Variants in RBP4 observed in about 807,000 individuals in gnomAD.
RBP4 encodes the protein retinol binding protein 4.
Under a neutral mutation model 26.2 loss-of-function variants are expected in RBP4, and 9 were observed. The ratio of observed to expected loss-of-function variants is 0.34; its 90% CI spans 0.21 to 0.60. The LOEUF (loss-of-function observed/expected upper bound fraction) is 0.60. Among genes scored for constraint, RBP4 ranks in the 20% least tolerant of loss-of-function variants. The probability of loss-of-function intolerance (pLI) is 0.80; values close to 1 mark genes in which losing one functional copy is unlikely to be tolerated. For missense variants in RBP4, 244 were observed against 271.3 expected, an observed-to-expected ratio of 0.90 and a Z score of 0.71; for synonymous variants, 114 against 111.0, an observed-to-expected ratio of 1.03 and a Z score of -0.17.
At chr10:93,592,261 A>C in intron 5 of RBP4, 149 bp from the exon 6 acceptor site, 1 of 731,292 alleles carries the variant, frequency 1.4e-6, no homozygotes, top group Non-Finnish European at 2.4e-6. Flanking sequence ...TTACGGATAC[A>C]GGTGGCTGTA....
Position 93,600,696 on chromosome 10 carries a change from G to A in RBP4, c.219C>T (p.Ala73=), listed in dbSNP as rs2058330951. The change falls in exon 3 of 6, where the codon GCC becomes GCT. Residue 73 remains alanine (A), a synonymous_variant. Coordinates refer to ENST00000371464, the MANE Select transcript of RBP4 (RefSeq NM_006744.4). ...AAAGACGGACTCGGCCCTTGGCTGT[G>A]GCGCTCATCTGGCCGGTCTCGTCCA... The part of the protein sequence containing the change: ...FSVDETGQMS[A]TAKGRVRLLN... 2 of 1,611,070 alleles carry A rather than the reference G, an allele frequency of 1.2e-6. No homozygotes were observed. Among genetic ancestry groups the A allele is most frequent in the Non-Finnish European group, 1.7e-6 (2 of 1,178,900 alleles).
rs371394529 is a variant in RBP4 at position 93,600,409 on chromosome 10, G to C, written c.339C>G (p.Ser113=). 3.1e-6 allele frequency: 5 copies of C among 1,614,002 alleles called. No individual in the cohort carries two copies. In the African/African-American group the frequency reaches 5.3e-5, roughly 17 times the overall value. ...ACTACTCACTTCCTTTCTGGAGAAA[G>C]GAGGCTACGCCCCAGTACTTCATCT... ...KFKMKYWGVA[S]FLQKGNDDHW... is the part of the protein sequence containing the mutation. The change falls in exon 4 of 6, where the codon TCC becomes TCG. Residue 113 remains serine, a synonymous_variant. Coordinates refer to ENST00000371464, the MANE Select transcript of RBP4 (RefSeq NM_006744.4).
intron 4 of RBP4, among the ~76,000 whole-genome samples, chr10:93,595,892 A>G (rs1420268072): frequency 6.6e-6 from 1 of 152,222 alleles, no homozygotes; most frequent in Non-Finnish European, 1.5e-5. Context: ...TAACAGTGTC[A>G]GAGGTGGGGC....
intron 4 of RBP4, among the ~76,000 whole-genome samples, chr10:93,596,478 C>A (rs1487353107): frequency 1.3e-5 from 2 of 152,184 alleles, no homozygotes; most frequent in Admixed American, 1.3e-4. Context: ...GGTTCTCTAA[C>A]CTCCTCACAC....
Position 93,600,484 on chromosome 10 carries a change from G to A in RBP4, c.264C>T (p.Cys88=), listed in dbSNP as rs373606069. ...RVRLLNNWDV[C]ADMVGTFTDT... is the part of the protein sequence containing the mutation. ...CTGTGAAGGTGCCCACCATGTCTGCGCACACGTCCCAGTTACTGCAAAAGC... is the reference window on the plus strand; with the variant it reads ...CTGTGAAGGTGCCCACCATGTCTGCACACACGTCCCAGTTACTGCAAAAGC... The change falls in exon 4 of 6, where the codon TGC becomes TGT. Residue 88 remains cysteine, a synonymous_variant. Transcript: ENST00000371464. 31 of 1,613,984 alleles carry A rather than the reference G, an allele frequency of 1.9e-5. No homozygotes were observed. The highest frequency in any genetic ancestry group is 2.2e-5 in the East Asian group (1 of 44,872).
chr10:93,596,045 T>G (rs1421489519), intron 4 of RBP4, among the ~76,000 whole-genome samples: 1 of 152,178 alleles, frequency 6.6e-6, no homozygotes, highest in African/African-American at 2.4e-5. Flanking sequence ...AGTATCTGGG[T>G]GGTCTTCCTC....
intron 5 of RBP4, 92 bp downstream of exon 5, chr10:93,593,731 C>A: frequency 7.1e-7 from 1 of 1,407,098 alleles, no homozygotes; most frequent in Non-Finnish European, 9.9e-7. Flanking sequence ...CTCTGGGGTA[C>A]GGACAAAATG....
chr10:93,601,576 C>T (rs2058339973), upstream of RBP4: 1 of 687,208 alleles, frequency 1.5e-6, no homozygotes, highest in East Asian at 2.7e-5. Flanking sequence ...GTCAACCTGG[C>T]GGGAAGACCG....
At position 93,600,281 on chromosome 10, in the gene RBP4, C is replaced by T. The variant is rs1456651593; in HGVS notation, c.355+112G>A. The T allele has an allele frequency of 7.2e-6, 7 of 968,724 alleles. No individual in the cohort carries two copies. The Admixed American group carries it at 1.0e-4, about 14-fold the overall frequency. The allele number at this position is 968,724 out of a possible 1,614,324, so 60.0% of individuals were successfully genotyped here. On this transcript the variant is annotated intron_variant, in intron 4 of 5. Coordinates refer to ENST00000371464, the MANE Select transcript of RBP4 (RefSeq NM_006744.4). The stretch of plus-strand genomic sequence containing the variant: ...GCTGCGGGTTCCTGACACTTCCAGA[C>T]CTTTCCGCAGGCCATTCTTCCTAAG...
chr10:93,593,337 T>C (rs1203761598), intron 5 of RBP4, among the ~76,000 whole-genome samples: 1 of 152,168 alleles, frequency 6.6e-6, no homozygotes, highest in African/African-American at 2.4e-5. Flanking sequence ...AGCTAGACAA[T>C]GTCATGGCTA....
intron 4 of RBP4, among the ~76,000 whole-genome samples, chr10:93,598,967 T>A (rs1034247761): frequency 4.6e-5 from 7 of 152,202 alleles, no homozygotes; most frequent in African/African-American, 1.7e-4. Flanking sequence ...GCTTTTTCTC[T>A]ACCAGGTATG....
rs747664192 is a variant in RBP4, at chr10:93,600,653, C to A, written c.248+14G>T. 7 of 1,611,986 alleles carry A rather than the reference C, an allele frequency of 4.3e-6. No individual in the cohort carries two copies. The highest frequency in any genetic ancestry group is 1.3e-5 in the African/African-American group (1 of 75,050). On this transcript the variant is annotated intron_variant, in intron 3 of 5. Coordinates refer to ENST00000371464, the MANE Select transcript of RBP4 (RefSeq NM_006744.4). The stretch of plus-strand genomic sequence containing the variant: ...TGGAGCGCAAAGGGCGCAGCTGCCC[C>A]GGCGGCCACTGACTTCAAAAGACGG...
chr10:93,592,927 C>G (rs1051899770), intron 5 of RBP4, among the ~76,000 whole-genome samples: 5 of 152,146 alleles, frequency 3.3e-5, no homozygotes, highest in African/African-American at 1.2e-4. Flanking sequence ...AAGTAATTCT[C>G]CTGCCTCAAC....
chr10:93,596,044 G>T (rs546971491), intron 4 of RBP4, among the ~76,000 whole-genome samples: 1 of 152,280 alleles, frequency 6.6e-6, no homozygotes, highest in East Asian at 1.9e-4. Context: ...GAGTATCTGG[G>T]TGGTCTTCCT....
intron 2 of RBP4, 48 bp from the exon 3 acceptor site, chr10:93,600,851 G>T: frequency 5.6e-6 from 9 of 1,599,090 alleles, no homozygotes; most frequent in Non-Finnish European, 7.7e-6. Context: ...GGCGCACGGC[G>T]GGCCGCGGGG....
In RBP4 at chr10:93,592,053, T is replaced by G; in HGVS notation, c.*22A>C. Reference sequence around the variant, plus strand: ...TGAGAGCTAATCAGAAGTTCTCAGATGAAACTAGATTCTTGATATTGCTAC... The same window carrying G: ...TGAGAGCTAATCAGAAGTTCTCAGAGGAAACTAGATTCTTGATATTGCTAC... On this transcript the variant is annotated 3_prime_UTR_variant, in exon 6 of 6. Transcript: ENST00000371464. The G allele has an allele frequency of 6.2e-7, 1 of 1,605,462 alleles. No individual in the cohort carries two copies. Among genetic ancestry groups the G allele is most frequent in the Non-Finnish European group, 8.5e-7 (1 of 1,172,148 alleles).
In RBP4 at chr10:93,600,951, G is replaced by T. The variant is rs1564790871; in HGVS notation, c.78C>A (p.Ser26Arg). 1 of 1,612,396 alleles carries T rather than the reference G, an allele frequency of 6.2e-7. No individual in the cohort carries two copies. Among genetic ancestry groups the T allele is most frequent in the African/African-American group, 1.3e-5 (1 of 74,918 alleles). ...GRAERDCRVS[S>R]FRVKENFDKA... ...TGTCGAAGTTCTCCTTGACTCGGAAGCTGCTCACTCGGCAGTCGCGCTCCG... is the reference window on the plus strand; with the variant it reads ...TGTCGAAGTTCTCCTTGACTCGGAATCTGCTCACTCGGCAGTCGCGCTCCG... Residue 26 changes from serine to arginine, a missense_variant, in exon 2 of 6, where the codon AGC (serine) becomes AGA (arginine). Physicochemically the swap from Ser to Arg is moderately radical, Grantham distance 110 (BLOSUM62 -1). Coordinates refer to ENST00000371464, the MANE Select transcript of RBP4 (RefSeq NM_006744.4).
At chr10:93,594,060 C>A (rs12265684) in intron 4 of RBP4, 25 bp from the exon 5 acceptor site, 18 of 1,607,922 alleles carry the variant, frequency 1.1e-5, no homozygotes, top group East Asian at 2.2e-5. Flanking sequence ...GCCACCATGC[C>A]GATCAATGCC....
At chr10:93,597,341 T>A (rs1028036490) in intron 4 of RBP4, among the ~76,000 whole-genome samples, 2 of 152,198 alleles carry the variant, frequency 1.3e-5, no homozygotes, top group Non-Finnish European at 2.9e-5. Flanking sequence ...TTTGTCCAGG[T>A]CTTTCTACAA....
Sources: allele counts gnomAD v4.1 joint callset (sites outside exome capture counted in the v4.1 genomes callset), GRCh38; gene constraint gnomAD v4.1.1; transcripts MANE v1.5; gene names NCBI Gene and HGNC (gene_info 2026-07-23, HGNC 2026-07-21).